The following ASTN2 variants were observed in gnomAD, a reference collection of about 807,000 sequenced individuals.
ASTN2 encodes the protein astrotactin 2.
Under a neutral mutation model 139.8 loss-of-function variants are expected in ASTN2, and 54 were observed. The observed-to-expected ratio is 0.39, with a 90% CI of 0.31 to 0.48. ASTN2 has a LOEUF of 0.48. Ranked by LOEUF, ASTN2 falls within the 20% of genes least tolerant of loss-of-function variation. The pLI is 0.95. For synonymous variants in ASTN2, 756 were observed against 719.5 expected (o/e 1.05, Z -0.81); for missense variants, 1,565 against 1,725.1 (o/e 0.91, Z 1.64).
At chr9:117,173,197 T>C (rs1830835865) in intron 3 of ASTN2, among the ~76,000 whole-genome samples, 1 of 152,004 alleles carries the variant, frequency 6.6e-6, no homozygotes, top group Non-Finnish European at 1.5e-5. Context: ...ACCACAGCAA[T>C]CCAAAACTTC....
At chr9:117,244,588 AGGGAGGGAGGGAGGGAG>A (rs1418407229) in intron 2 of ASTN2, among the ~76,000 whole-genome samples, 1 of 4,756 alleles carries the variant, frequency 2.1e-4, no homozygotes, top group Non-Finnish European at 7.1e-4. Context: ...GGAGGGAGGG[AGGGAGGGAGGGAGGGAG>A]GAGAGGGAGG....
chr9:116,501,018 C>T (rs549937268), intron 19 of ASTN2, among the ~76,000 whole-genome samples: 1 of 152,242 alleles, frequency 6.6e-6, no homozygotes, highest in South Asian at 2.1e-4. Context: ...GCTGAATGCC[C>T]AAACTTCCCT....
intron 17 of ASTN2, among the ~76,000 whole-genome samples, chr9:116,644,971 T>C (rs1442385098): frequency 6.6e-6 from 1 of 152,166 alleles, no homozygotes; most frequent in African/African-American, 2.4e-5. Flanking sequence ...CAATGTCATA[T>C]AATAATCAAG....
At chr9:117,001,457 C>A (rs948302411) in intron 7 of ASTN2, among the ~76,000 whole-genome samples, 3 of 152,040 alleles carry the variant, frequency 2.0e-5, no homozygotes, top group African/African-American at 7.2e-5. Flanking sequence ...CTTGTGAGAA[C>A]AGATGTTCTC....
chr9:117,224,332 A>G (rs1832629543), intron 2 of ASTN2, among the ~76,000 whole-genome samples: 1 of 152,222 alleles, frequency 6.6e-6, no homozygotes, highest in Admixed American at 6.5e-5. Context: ...GCAGTGTATA[A>G]CACAGTTAGC....
intron 11 of ASTN2, among the ~76,000 whole-genome samples, chr9:116,839,180 G>C (rs1253914197): frequency 6.6e-6 from 1 of 152,096 alleles, no homozygotes; most frequent in Non-Finnish European, 1.5e-5. Context: ...GTCTTACTCT[G>C]TCACCCAGGC....
intron 10 of ASTN2, among the ~76,000 whole-genome samples, chr9:116,909,046 C>G (rs1324717496): frequency 2.6e-5 from 4 of 152,132 alleles, no homozygotes; most frequent in African/African-American, 9.7e-5. Context: ...TCAGAAAGAA[C>G]TTCATAGGCA....
intron 19 of ASTN2, among the ~76,000 whole-genome samples, chr9:116,515,626 C>T (rs181674903): frequency 1.3e-5 from 2 of 152,202 alleles, no homozygotes; most frequent in East Asian, 3.9e-4. Context: ...CTTCTGGTAG[C>T]CTGAGATAAT....
intron 3 of ASTN2, among the ~76,000 whole-genome samples, chr9:117,209,980 A>G (rs1176310479): frequency 6.6e-6 from 1 of 152,160 alleles, no homozygotes; most frequent in Admixed American, 6.5e-5. Flanking sequence ...AGAAATTAAG[A>G]ATAAAATTTG....
At chr9:116,638,799 C>A (rs1464807401) in intron 17 of ASTN2, among the ~76,000 whole-genome samples, 1 of 36,336 alleles carries the variant, frequency 2.8e-5, no homozygotes, top group African/African-American at 6.2e-5. Context: ...TTTGAAAAAA[C>A]AAACAAGTAC....
intron 2 of ASTN2, among the ~76,000 whole-genome samples, chr9:117,242,711 A>C (rs1208695635): frequency 1.3e-5 from 2 of 152,232 alleles, no homozygotes; most frequent in Non-Finnish European, 2.9e-5. Context: ...CTGCTGTTCC[A>C]GAGGCATGAT....
intron 16 of ASTN2, among the ~76,000 whole-genome samples, chr9:116,713,563 T>G (rs1666577782): frequency 6.6e-6 from 1 of 152,236 alleles, no homozygotes; most frequent in Non-Finnish European, 1.5e-5. Context: ...TCTTCCTGAC[T>G]AAGTACTTCT....
chr9:116,893,161 A>T (rs796211314), intron 10 of ASTN2, among the ~76,000 whole-genome samples: 36 of 17,308 alleles, frequency 2.1e-3, no homozygotes, highest in Admixed American at 1.3e-3. Context: ...AAGGTGTATC[A>T]CACACACACA....
intron 10 of ASTN2, among the ~76,000 whole-genome samples, chr9:116,870,986 C>G (rs61539844): frequency 2.0e-5 from 3 of 152,152 alleles, no homozygotes; most frequent in Non-Finnish European, 2.9e-5. Flanking sequence ...AGGGCAGGCA[C>G]GGTGCCTCAC....
intron 10 of ASTN2, among the ~76,000 whole-genome samples, chr9:116,973,249 G>A (rs923981847): frequency 3.9e-5 from 6 of 152,134 alleles, no homozygotes; most frequent in Non-Finnish European, 7.4e-5. Context: ...ATGTAAGAAT[G>A]TAATAATATT....
intron 3 of ASTN2, among the ~76,000 whole-genome samples, chr9:117,213,165 G>T (rs1295524275): frequency 1.3e-5 from 2 of 152,078 alleles, no homozygotes; most frequent in Non-Finnish European, 1.5e-5. Context: ...ATTATATTAA[G>T]CAAAATAAGA....
At chr9:116,900,782 C>T (rs1352739078) in intron 10 of ASTN2, among the ~76,000 whole-genome samples, 7 of 152,120 alleles carry the variant, frequency 4.6e-5, no homozygotes, top group Admixed American at 3.3e-4. Context: ...CTTCTCCCTC[C>T]ACCTTCGTTT....
intron 16 of ASTN2, among the ~76,000 whole-genome samples, chr9:116,667,355 TG>T: frequency 6.6e-6 from 1 of 152,292 alleles, no homozygotes. Flanking sequence ...GTTGAGCTTA[TG>T]TTAAAAAAAA....
intron 13 of ASTN2, among the ~76,000 whole-genome samples, chr9:116,790,286 T>C (rs1830495671): frequency 6.6e-6 from 1 of 152,174 alleles, no homozygotes; most frequent in African/African-American, 2.4e-5. Context: ...AGGCAGGCAC[T>C]GTTATGTTCC....
Sources: gnomAD v4.1 joint callset for allele counts (sites outside exome capture counted in the v4.1 genomes callset) on GRCh38, gnomAD v4.1.1 for gene constraint, MANE v1.5 for transcripts, NCBI Gene and HGNC (gene_info 2026-07-23, HGNC 2026-07-21) for gene names.